The following CRACR2A variants were observed in gnomAD, a reference collection of about 807,000 sequenced individuals.
CRACR2A encodes calcium release activated channel regulator 2A.
CRACR2A carries 79 observed loss-of-function variants against 90.5 expected under a neutral mutation model. The observed-to-expected ratio is 0.87, with a 90% CI of 0.73 to 1.05. The LOEUF (loss-of-function observed/expected upper bound fraction) is 1.05. Among genes scored for constraint, CRACR2A ranks in the 50% least tolerant of loss-of-function variants. The pLI, the probability that CRACR2A is intolerant of heterozygous loss-of-function variation, is 0.00. For missense variants in CRACR2A, 823 were observed against 897.2 expected (o/e 0.92, Z 1.06); for synonymous variants, 338 against 356.7 (o/e 0.95, Z 0.59).
chr12:3,634,830 G>C (rs1053936459), intron 14 of CRACR2A, among the ~76,000 whole-genome samples: 9 of 151,930 alleles, frequency 5.9e-5, no homozygotes, highest in Non-Finnish European at 1.3e-4. Context: ...GAGAATTCAA[G>C]GTCATCTACA....
chr12:3,743,157 G>T (rs920836803), intron 1 of CRACR2A, among the ~76,000 whole-genome samples: 1 of 152,200 alleles, frequency 6.6e-6, no homozygotes, highest in Non-Finnish European at 1.5e-5. Flanking sequence ...TGTAAATAGG[G>T]CTTGTACATT....
chr12:3,734,186 C>G (rs868850586), intron 1 of CRACR2A, among the ~76,000 whole-genome samples: 1 of 151,772 alleles, frequency 6.6e-6, no homozygotes, highest in Admixed American at 6.6e-5. Flanking sequence ...ACCATGTTAG[C>G]CAGGATGGTC....
At chr12:3,679,689 G>T (rs1017706301) in intron 5 of CRACR2A, among the ~76,000 whole-genome samples, 2 of 152,200 alleles carry the variant, frequency 1.3e-5, no homozygotes, top group African/African-American at 4.8e-5. Flanking sequence ...TATGGCTTTT[G>T]ATGTATCTGA....
At chr12:3,678,755 G>A (rs1030696884) in intron 6 of CRACR2A, among the ~76,000 whole-genome samples, 160 bp downstream of exon 6, 1 of 148,768 alleles carries the variant, frequency 6.7e-6, no homozygotes, top group Non-Finnish European at 1.5e-5. Flanking sequence ...TCATCACAAA[G>A]GACAGGCCCC....
At chr12:3,649,036 A>G (rs1944744910) in intron 10 of CRACR2A, among the ~76,000 whole-genome samples, 3 of 151,864 alleles carry the variant, frequency 2.0e-5, no homozygotes, top group Non-Finnish European at 4.4e-5. Context: ...GAACAATGAG[A>G]ACACGGACAC....
intron 15 of CRACR2A, among the ~76,000 whole-genome samples, chr12:3,631,700 G>A (rs1207361368): frequency 6.6e-6 from 1 of 152,196 alleles, no homozygotes; most frequent in Non-Finnish European, 1.5e-5. Flanking sequence ...AAAGGCATGG[G>A]AAGATATTCC....
intron 2 of CRACR2A, among the ~76,000 whole-genome samples, chr12:3,720,211 GAGA>G (rs1419640275): frequency 8.5e-6 from 1 of 118,154 alleles, no homozygotes; most frequent in African/African-American, 3.2e-5. Flanking sequence ...GGGAGGGAGA[GAGA>G]AGAAGAAAGA....
intron 3 of CRACR2A, 51 bp downstream of exon 3, chr12:3,713,185 TG>T: frequency 1.1e-6 from 1 of 910,948 alleles, no homozygotes; most frequent in Non-Finnish European, 1.3e-6. Flanking sequence ...GGGTCTGGGG[TG>T]GGGGCAGATC....
At chr12:3,723,553 T>C (rs1327566215) in intron 2 of CRACR2A, among the ~76,000 whole-genome samples, 1 of 152,088 alleles carries the variant, frequency 6.6e-6, no homozygotes, top group Non-Finnish European at 1.5e-5. Context: ...TGCCTAGGGA[T>C]GCCCCTAGGT....
At chr12:3,626,574 G>GCCTAGCAGTGGGCACTGGGCA (rs1944265019) in intron 17 of CRACR2A, among the ~76,000 whole-genome samples, 1 of 152,152 alleles carries the variant, frequency 6.6e-6, no homozygotes, top group Non-Finnish European at 1.5e-5. Flanking sequence ...GGATTCCCAG[G>GCCTAGCAGTGGGCACTGGGCA]CTCTAGAATA....
chr12:3,638,199 G>T lies in CRACR2A; in HGVS notation c.1527C>A (p.Ile509=). The T allele has an allele frequency of 6.4e-7, 1 of 1,551,506 alleles. No homozygotes were observed. The highest frequency in any genetic ancestry group is 8.7e-7 in the Non-Finnish European group (1 of 1,146,858). ...TGAGTTTCAAGGGTGGGGCCTCCGG[G>T]ATTTGTCCCTGTACCCCCTGGTCAG... ...EVSDQGVQGQ[I]PEAPPLKLTP... Residue 509 remains isoleucine, a synonymous_variant, in exon 14 of 20, where the codon ATC becomes ATA. Transcript: ENST00000440314.
chr12:3,641,987 GC>G, intron 12 of CRACR2A, 149 bp from the exon 13 acceptor site: 1 of 670,462 alleles, frequency 1.5e-6, no homozygotes, highest in Non-Finnish European at 2.5e-6. Flanking sequence ...TTAGCGTCTA[GC>G]CACTCTTCCC....
chr12:3,640,800 C>A, intron 13 of CRACR2A: 1 of 1,304,922 alleles, frequency 7.7e-7, no homozygotes, highest in South Asian at 1.2e-5. Flanking sequence ...ACAGCACATG[C>A]CAAAATGAAG....
chr12:3,627,544 C>T lies in CRACR2A; in HGVS notation c.1824G>A (p.Arg608=). Residue 608 remains arginine (R), a synonymous_variant, in exon 17 of 20, where the codon CGG becomes CGA. Transcript: ENST00000440314. ...TTCTGAAGAACTGCTGGGTGATGCA[C>T]CGGTACCTGCCACAGAAGGGCCACG... ...LWDTAGQERY[R]CITQQFFRKA... The T allele has an allele frequency of 6.4e-7, 1 of 1,551,568 alleles. No individual in the cohort carries two copies. Among genetic ancestry groups the T allele is most frequent in the African/African-American group, 1.4e-5 (1 of 73,162 alleles).
At chr12:3,649,432 G>A (rs1353047439) in intron 10 of CRACR2A, among the ~76,000 whole-genome samples, 1 of 152,020 alleles carries the variant, frequency 6.6e-6, no homozygotes, top group East Asian at 1.9e-4. Context: ...GTTTTTAGGA[G>A]CTCTGGAAGA....
At position 3,633,208 on chromosome 12, in the gene CRACR2A, G is replaced by A. The variant is rs1051840566; in HGVS notation, c.1735+396C>T. Among the ~76,000 whole-genome samples the A allele has an allele frequency of 2.6e-5, 4 of 152,038 alleles. No individual in the cohort carries two copies. The highest frequency in any genetic ancestry group is 5.9e-5 in the Non-Finnish European group (4 of 67,998). On this transcript the variant is annotated intron_variant, in intron 15 of 19. Transcript: ENST00000440314. The surrounding 1 kb of genome is among the most constrained non-coding windows in gnomAD (Gnocchi z 4.5). ...AGGTGTGGCAGGATGTGGGTCTCGG[G>A]AGGAGTCCTGGTCAGTTCAGGGGGA...
Position 3,724,030 on chromosome 12 carries a change from A to T in CRACR2A, c.-118+8912T>A, listed in dbSNP as rs571441393. ...GAGCTGGCAATCAAAGACTAAGAAT[A>T]ATCATGCATCAGTTGTTCCCATCTG... is the stretch of plus-strand genomic sequence containing the variant. On this transcript the variant is annotated intron_variant, in intron 2 of 19. Transcript: ENST00000440314. Among the ~76,000 whole-genome samples, 4 of 152,308 alleles carry T rather than the reference A, an allele frequency of 2.6e-5. No homozygotes were observed. The East Asian group carries it at 7.7e-4, about 29-fold the overall frequency.
rs1210465748 is a variant in CRACR2A, at chr12:3,734,620, G to GGTGT, written c.-386-1414_-386-1411dup. 4.1e-5 allele frequency among the ~76,000 whole-genome samples: 4 copies of GGTGT among 97,646 alleles called. No individual in the cohort carries two copies. The East Asian group carries it at 8.1e-4, about 20-fold the overall frequency. 64.1% of individuals were successfully genotyped at this position (97,646 alleles called of 152,430 possible). On this transcript the variant is annotated intron_variant, in intron 1 of 19. Coordinates refer to ENST00000440314, the MANE Select transcript of CRACR2A (RefSeq NM_001144958.2). The stretch of plus-strand genomic sequence containing the variant: ...AGACGAATGGATAAAGAAACTGTGA[G>GGTGT]GTGTGTGTATGTGTGTGTGTGTGTG...
At position 3,627,460 on chromosome 12, in the gene CRACR2A, G is replaced by T; in HGVS notation, c.1908C>A (p.Val636=). Residue 636 remains valine, a synonymous_variant, in exon 17 of 20, where the codon GTC becomes GTA. Transcript: ENST00000440314. ...DLTDKQSFLS[V]RRWLSSVEEA... Reference sequence around the variant, plus strand: ...CCTCCACGCTGCTCAGCCACCGCCGGACCGACAGGAACGACTGCTTGTCTG... The same window carrying T: ...CCTCCACGCTGCTCAGCCACCGCCGTACCGACAGGAACGACTGCTTGTCTG... 1 of 1,551,968 alleles carries T rather than the reference G, an allele frequency of 6.4e-7. No homozygotes were observed. Among genetic ancestry groups the T allele is most frequent in the South Asian group, 1.2e-5 (1 of 84,040 alleles).
Sources: gnomAD v4.1 joint callset for allele counts (sites outside exome capture counted in the v4.1 genomes callset) on GRCh38, gnomAD v4.1.1 for gene constraint, Gnocchi (gnomAD v3.1) non-coding constraint, MANE v1.5 for transcripts, NCBI Gene and HGNC (gene_info 2026-07-23, HGNC 2026-07-21) for gene names.